The following ENTREP2 variants were observed in gnomAD, a reference collection of about 807,000 sequenced individuals.
The protein encoded by ENTREP2 is protein ENTREP2.
chr15:29,657,226 T>TC, the ENTREP2 span, among the ~76,000 whole-genome samples: 2 of 149,882 alleles, frequency 1.3e-5, no homozygotes, highest in Admixed American at 6.6e-5. Flanking sequence ...TTTTTTTTTT[T>TC]CTTTTTGCAT....
At chr15:29,234,424 A>T in the ENTREP2 span, 1 of 1,517,138 alleles carries the variant, frequency 6.6e-7, no homozygotes, top group Non-Finnish European at 9.2e-7. Flanking sequence ...CAACCATTCC[A>T]GTAGTCCCTC....
the ENTREP2 span, among the ~76,000 whole-genome samples, chr15:29,545,755 T>G: frequency 7.2e-5 from 11 of 152,186 alleles, no homozygotes; most frequent in Non-Finnish European, 1.6e-4. Context: ...CTGATGAAGT[T>G]AGAATACATT....
At chr15:29,596,496 AG>A in the ENTREP2 span, among the ~76,000 whole-genome samples, 1 of 152,138 alleles carries the variant, frequency 6.6e-6, no homozygotes, top group East Asian at 1.9e-4. Context: ...GCTAGAATAG[AG>A]TGTGTATGTA....
chr15:29,310,569 T>C, the ENTREP2 span, among the ~76,000 whole-genome samples: 1 of 152,270 alleles, frequency 6.6e-6, no homozygotes, highest in East Asian at 1.9e-4. Context: ...ATGGAGCCTC[T>C]GACAGGAGAA....
chr15:29,581,127 C>A, the ENTREP2 span, among the ~76,000 whole-genome samples: 5 of 151,894 alleles, frequency 3.3e-5, no homozygotes, highest in Admixed American at 3.3e-4. Flanking sequence ...ATAAACAGAC[C>A]AAGTAATGAA....
the ENTREP2 span, among the ~76,000 whole-genome samples, chr15:29,534,123 A>G: frequency 6.7e-6 from 1 of 148,648 alleles, no homozygotes; most frequent in East Asian, 2.0e-4. Context: ...AAAAAAAAAA[A>G]AAAAAAAAAA....
the ENTREP2 span, among the ~76,000 whole-genome samples, chr15:29,344,038 C>T: frequency 1.3e-5 from 2 of 152,124 alleles, no homozygotes; most frequent in Admixed American, 1.3e-4. Flanking sequence ...ATATAATATT[C>T]TACAAATCTG....
chr15:29,300,717 G>A, the ENTREP2 span, among the ~76,000 whole-genome samples: 1 of 152,070 alleles, frequency 6.6e-6, no homozygotes, highest in Non-Finnish European at 1.5e-5. Flanking sequence ...TCCTGCCTCA[G>A]CCTCCCGAGT....
the ENTREP2 span, among the ~76,000 whole-genome samples, chr15:29,463,075 G>A: frequency 3.3e-5 from 5 of 152,224 alleles, 1 homozygote; most frequent in African/African-American, 1.2e-4. Context: ...GCCTTAACAT[G>A]GACATAGGAA....
the ENTREP2 span, among the ~76,000 whole-genome samples, chr15:29,146,308 C>T: frequency 4.6e-5 from 7 of 152,110 alleles, no homozygotes; most frequent in African/African-American, 1.7e-4. Context: ...CAAACTCAAC[C>T]TAAAGTTCAT....
chr15:29,374,371 T>A, the ENTREP2 span: 1 of 152,170 alleles, frequency 6.6e-6, no homozygotes, highest in Non-Finnish European at 1.5e-5. Context: ...GGTTTTTGGT[T>A]TTATTTTGTG....
At chr15:29,534,748 G>A in the ENTREP2 span, among the ~76,000 whole-genome samples, 1 of 152,108 alleles carries the variant, frequency 6.6e-6, no homozygotes, top group Non-Finnish European at 1.5e-5. Flanking sequence ...CTACCTCAGT[G>A]GTGCCAATTC....
chr15:29,584,997 G>GGATAGACAGATA, the ENTREP2 span, among the ~76,000 whole-genome samples: 262 of 150,710 alleles, frequency 1.7e-3, 1 homozygote, highest in African/African-American at 6.2e-3. Context: ...AAAGATCGAT[G>GGATAGACAGATA]GATAGATAGA....
the ENTREP2 span, among the ~76,000 whole-genome samples, chr15:29,497,671 T>C: frequency 2.6e-4 from 40 of 152,252 alleles, 1 homozygote; most frequent in African/African-American, 9.1e-4. Context: ...TTTAGTCTTC[T>C]TTTTTCTTAA....
chr15:29,333,095 G>A, the ENTREP2 span, among the ~76,000 whole-genome samples: 13 of 152,172 alleles, frequency 8.5e-5, no homozygotes, highest in Admixed American at 7.9e-4. Context: ...GCCCCCCTCA[G>A]AGAACTGACC....
chr15:29,134,574 C>A, the ENTREP2 span, among the ~76,000 whole-genome samples: 1 of 152,330 alleles, frequency 6.6e-6, no homozygotes, highest in East Asian at 1.9e-4. Flanking sequence ...CACCTTACAG[C>A]GTCTGAATGC....
the ENTREP2 span, among the ~76,000 whole-genome samples, chr15:29,130,838 A>G: frequency 6.6e-6 from 1 of 152,234 alleles, no homozygotes; most frequent in Non-Finnish European, 1.5e-5. Flanking sequence ...TTGATGAACT[A>G]TAACAGCAGT....
the ENTREP2 span, among the ~76,000 whole-genome samples, chr15:29,509,542 G>A: frequency 6.6e-6 from 1 of 152,064 alleles, no homozygotes; most frequent in South Asian, 2.1e-4. Flanking sequence ...CATGGTACTG[G>A]TACCAAAACA....
At chr15:29,312,996 T>C in the ENTREP2 span, among the ~76,000 whole-genome samples, 13 of 152,172 alleles carry the variant, frequency 8.5e-5, no homozygotes, top group East Asian at 2.5e-3. Flanking sequence ...ACACGAATGA[T>C]CAAGAAAACA....
Sources: allele counts gnomAD v4.1 joint callset (sites outside exome capture counted in the v4.1 genomes callset), GRCh38; gene constraint gnomAD v4.1.1; transcripts MANE v1.5; gene names NCBI Gene and HGNC (gene_info 2026-07-23, HGNC 2026-07-21).